The following KCNB2 variants were observed in gnomAD, a reference collection of about 807,000 sequenced individuals.
KCNB2 encodes the protein delayed rectifier potassium channel protein.
KCNB2 carries 15 observed loss-of-function variants against 61.5 expected under a neutral mutation model. That is an observed-to-expected ratio of 0.24 (90% CI 0.16 to 0.38). The LOEUF (loss-of-function observed/expected upper bound fraction) is 0.38. Among genes scored for constraint, KCNB2 ranks in the 10% least tolerant of loss-of-function variants. The pLI is 1.00. For missense variants in KCNB2, 828 were observed against 1,125.2 expected (o/e 0.74, Z 3.78); for synonymous variants, 457 against 446.0 (o/e 1.02, Z -0.31).
chr8:72,907,015 T>A (rs1806189967), intron 2 of KCNB2, among the ~76,000 whole-genome samples: 1 of 152,166 alleles, frequency 6.6e-6, no homozygotes, highest in Admixed American at 6.6e-5. Flanking sequence ...TATGAAGAAT[T>A]AACCAACCAT....
rs1473505669 is a variant in KCNB2 at position 72,937,258 on chromosome 8, A to G, written c.1903A>G (p.Thr635Ala). 2.5e-6 allele frequency: 4 copies of G among 1,613,766 alleles called. No individual in the cohort carries two copies. Among genetic ancestry groups the G allele is most frequent in the South Asian group, 1.1e-5 (1 of 91,064 alleles). The change falls in exon 3 of 3, where the codon ACC becomes GCC. Residue 635 changes from threonine (T) to alanine (A), a missense_variant. This residue lies in a region of KCNB2 where 559 missense variants were observed against 588.4 expected (regional missense o/e 0.95). Transcript: ENST00000523207. The stretch of plus-strand genomic sequence containing the variant: ...CTCTCACTTGCAGATGAAGTTCCCA[A>G]CCGACCTCCCAGGGACAGAAGAGCA... The part of the protein sequence containing the change: ...SASHLQMKFP[T>A]DLPGTEEHQR...
intron 2 of KCNB2, among the ~76,000 whole-genome samples, chr8:72,862,355 C>A (rs1245019297): frequency 6.6e-6 from 1 of 152,142 alleles, no homozygotes; most frequent in East Asian, 1.9e-4. Flanking sequence ...AAGTAAAAGT[C>A]ATGAACGCAC....
At chr8:72,588,190 G>A (rs187221318) in intron 2 of KCNB2, among the ~76,000 whole-genome samples, 1 of 151,236 alleles carries the variant, frequency 6.6e-6, no homozygotes, top group East Asian at 1.9e-4. Flanking sequence ...TCCAGTCTGA[G>A]GATTCTGAGT....
chr8:72,917,036 C>G (rs1806414767), intron 2 of KCNB2, among the ~76,000 whole-genome samples: 1 of 152,174 alleles, frequency 6.6e-6, no homozygotes, highest in Non-Finnish European at 1.5e-5. Context: ...GCCACAGTAT[C>G]AGGCTTTTGG....
At chr8:72,826,247 C>G (rs1032342941) in intron 2 of KCNB2, among the ~76,000 whole-genome samples, 2 of 152,174 alleles carry the variant, frequency 1.3e-5, no homozygotes, top group African/African-American at 2.4e-5. Flanking sequence ...ATTCTAACAT[C>G]TGTTGATGGG....
intron 2 of KCNB2, among the ~76,000 whole-genome samples, chr8:72,649,203 C>A (rs1806176857): frequency 6.6e-6 from 1 of 152,106 alleles, no homozygotes; most frequent in African/African-American, 2.4e-5. Context: ...GCTTTCAGAA[C>A]TTTTTCACTT....
At chr8:72,764,572 CT>C (rs1200722937) in intron 2 of KCNB2, among the ~76,000 whole-genome samples, 7 of 152,178 alleles carry the variant, frequency 4.6e-5, no homozygotes, top group Non-Finnish European at 8.8e-5. Context: ...CCCAAATTGC[CT>C]TTTGGACAGT....
chr8:72,763,049 A>G (rs1266895156), intron 2 of KCNB2, among the ~76,000 whole-genome samples: 1 of 66,898 alleles, frequency 1.5e-5, no homozygotes, highest in African/African-American at 7.3e-5. Context: ...CAAAGTAAAA[A>G]AAAAAAAAAA....
chr8:72,674,026 C>A (rs911923517), intron 2 of KCNB2, among the ~76,000 whole-genome samples: 1 of 152,126 alleles, frequency 6.6e-6, no homozygotes, highest in Non-Finnish European at 1.5e-5. Flanking sequence ...GCATCACATA[C>A]CTTCCATGGT....
chr8:72,740,882 G>T (rs1190509794), intron 2 of KCNB2, among the ~76,000 whole-genome samples: 1 of 152,090 alleles, frequency 6.6e-6, no homozygotes, highest in Non-Finnish European at 1.5e-5. Flanking sequence ...ATTATAAATT[G>T]TTCCATGGTT....
chr8:72,901,823 A>G (rs1054482359), intron 2 of KCNB2, among the ~76,000 whole-genome samples: 2 of 152,174 alleles, frequency 1.3e-5, no homozygotes, highest in Non-Finnish European at 2.9e-5. Flanking sequence ...AGCAATGACC[A>G]TCAAATGCAG....
intron 2 of KCNB2, among the ~76,000 whole-genome samples, chr8:72,770,013 G>T (rs1261923307): frequency 6.6e-6 from 1 of 152,188 alleles, no homozygotes; most frequent in African/African-American, 2.4e-5. Flanking sequence ...GAAGATAAAA[G>T]AATCACTTCT....
rs1806927042 is a variant in KCNB2, at chr8:72,937,164, C to T, written c.1809C>T (p.Ile603=). 8.7e-6 allele frequency: 14 copies of T among 1,614,110 alleles called. No individual in the cohort carries two copies. The highest frequency in any genetic ancestry group is 2.2e-5 in the East Asian group (1 of 44,860). ...VIVDMKSTSS[I]DSFTSCATDF... ...TGGACATGAAGAGCACCTCCAGCATCGACAGCTTCACCAGCTGTGCCACCG... is the reference window on the plus strand; with the variant it reads ...TGGACATGAAGAGCACCTCCAGCATTGACAGCTTCACCAGCTGTGCCACCG... Residue 603 remains isoleucine (I), a synonymous_variant, in exon 3 of 3, where the codon ATC becomes ATT. Transcript: ENST00000523207.
chr8:72,849,190 C>T (rs572742785), intron 2 of KCNB2, among the ~76,000 whole-genome samples: 107 of 147,346 alleles, frequency 7.3e-4, no homozygotes, highest in Non-Finnish European at 1.4e-3. Context: ...TCATAATTCC[C>T]TTTGGTTTCA....
At chr8:72,911,381 G>C (rs969411894) in intron 2 of KCNB2, among the ~76,000 whole-genome samples, 1 of 152,204 alleles carries the variant, frequency 6.6e-6, no homozygotes, top group South Asian at 2.1e-4. Context: ...TTATTTGTCC[G>C]AACACACATG....
intron 2 of KCNB2, among the ~76,000 whole-genome samples, chr8:72,703,335 C>T (rs1011487508): frequency 6.6e-6 from 1 of 152,092 alleles, no homozygotes; most frequent in African/African-American, 2.4e-5. Flanking sequence ...AGGAAGTGCC[C>T]CTGGACTCAA....
intron 2 of KCNB2, among the ~76,000 whole-genome samples, chr8:72,680,089 T>C (rs1270614497): frequency 6.6e-6 from 1 of 152,190 alleles, no homozygotes; most frequent in Admixed American, 6.5e-5. Context: ...TGTAATAATA[T>C]TGAATACCTA....
intron 2 of KCNB2, among the ~76,000 whole-genome samples, chr8:72,760,992 A>C (rs778723540): frequency 2.6e-5 from 4 of 152,174 alleles, no homozygotes; most frequent in Non-Finnish European, 5.9e-5. Flanking sequence ...TTGGTGACTG[A>C]ATAGCAAGTG....
intron 2 of KCNB2, among the ~76,000 whole-genome samples, chr8:72,801,148 A>T (rs1462396466): frequency 6.6e-6 from 1 of 152,198 alleles, no homozygotes; most frequent in Non-Finnish European, 1.5e-5. Flanking sequence ...TGGGGGCAAC[A>T]CTAAGTTTTA....
Sources: allele counts gnomAD v4.1 joint callset (sites outside exome capture counted in the v4.1 genomes callset), GRCh38; gene constraint gnomAD v4.1.1; regional missense constraint gnomAD v4.1.1; transcripts MANE v1.5; gene names NCBI Gene and HGNC (gene_info 2026-07-23, HGNC 2026-07-21).